The following KCTD8 variants were observed in gnomAD, a reference collection of about 807,000 sequenced individuals.
KCTD8 encodes potassium channel tetramerization domain containing 8.
In KCTD8, 27 loss-of-function variants were observed where a neutral mutation model predicts 31.5. The observed-to-expected ratio is 0.86, with a 90% CI of 0.63 to 1.18. The LOEUF (loss-of-function observed/expected upper bound fraction) is 1.18, where lower values mean the gene tolerates loss of function less well. KCTD8 is among the 50% of genes most tolerant of loss of function. The pLI is 0.00. For synonymous variants in KCTD8, 290 were observed against 280.0 expected (o/e 1.04, Z -0.36); for missense variants, 658 against 647.7 (o/e 1.02, Z -0.17).
At position 44,393,887 on chromosome 4, in the gene KCTD8, T is replaced by A. The variant is rs968642418; in HGVS notation, c.961+53676A>T. Among the ~76,000 whole-genome samples, 7 of 151,892 alleles carry A rather than the reference T, an allele frequency of 4.6e-5. No individual in the cohort carries two copies. The South Asian group carries it at 1.5e-3, about 31-fold the overall frequency. On this transcript the variant is annotated intron_variant, in intron 1 of 1. Coordinates refer to ENST00000360029, the MANE Select transcript of KCTD8 (RefSeq NM_198353.3). ...GCCATTGCACTATATGATTAAAAAATTAAAATATAAAATAAAAGTAAATAG... is the reference window on the plus strand; with the variant it reads ...GCCATTGCACTATATGATTAAAAAAATAAAATATAAAATAAAAGTAAATAG...
chr4:44,316,686 C>G (rs973182912), intron 1 of KCTD8, among the ~76,000 whole-genome samples: 4 of 148,448 alleles, frequency 2.7e-5, no homozygotes, highest in Non-Finnish European at 5.9e-5. Context: ...CGTGGTGGCT[C>G]ATGCCTGTAA....
At chr4:44,340,987 C>A (rs1307052084) in intron 1 of KCTD8, among the ~76,000 whole-genome samples, 1 of 151,614 alleles carries the variant, frequency 6.6e-6, no homozygotes, top group African/African-American at 2.4e-5. Flanking sequence ...GTAAACAATA[C>A]CATGAAGAAA....
intron 1 of KCTD8, among the ~76,000 whole-genome samples, chr4:44,358,917 G>A (rs1719426921): frequency 6.6e-6 from 1 of 152,176 alleles, no homozygotes; most frequent in African/African-American, 2.4e-5. Flanking sequence ...TTTCTCTAAT[G>A]ACCAGTGATG....
chr4:44,293,324 C>A, intron 1 of KCTD8: 1 of 380,134 alleles, frequency 2.6e-6, no homozygotes, highest in Non-Finnish European at 5.2e-6. Flanking sequence ...AAATGCTTTT[C>A]AAAAGGAAAT....
At chr4:44,390,463 T>A (rs1456254248) in intron 1 of KCTD8, among the ~76,000 whole-genome samples, 2 of 152,062 alleles carry the variant, frequency 1.3e-5, no homozygotes, top group Non-Finnish European at 2.9e-5. Flanking sequence ...TTCACCTTAT[T>A]TCTAAGTTCT....
intron 1 of KCTD8, among the ~76,000 whole-genome samples, chr4:44,380,417 CAA>C (rs201741352): frequency 6.2e-5 from 6 of 96,566 alleles, no homozygotes; most frequent in Admixed American, 2.2e-4. Context: ...GACTCCATCT[CAA>C]AAAAAAAAAA....
intron 1 of KCTD8, among the ~76,000 whole-genome samples, chr4:44,201,909 G>A (rs918257473): frequency 2.0e-5 from 3 of 152,034 alleles, no homozygotes; most frequent in African/African-American, 7.2e-5. Flanking sequence ...GAAGTCTAAA[G>A]TCCAGAATCT....
chr4:44,302,535 A>T (rs1275584269), intron 1 of KCTD8, among the ~76,000 whole-genome samples: 1 of 152,060 alleles, frequency 6.6e-6, no homozygotes, highest in African/African-American at 2.4e-5. Context: ...TTATTGGTGT[A>T]TAAGAATGCT....
chr4:44,345,986 T>C (rs999132985), intron 1 of KCTD8, among the ~76,000 whole-genome samples: 3 of 152,280 alleles, frequency 2.0e-5, no homozygotes, highest in Non-Finnish European at 2.9e-5. Flanking sequence ...GATGCTTTTA[T>C]GGTACTAGAG....
chr4:44,341,688 C>G (rs1405231678), intron 1 of KCTD8, among the ~76,000 whole-genome samples: 1 of 152,144 alleles, frequency 6.6e-6, no homozygotes, highest in Non-Finnish European at 1.5e-5. Context: ...AAATCTAGTT[C>G]TCTTGCTATT....
intron 1 of KCTD8, among the ~76,000 whole-genome samples, chr4:44,358,256 A>G (rs1174359511): frequency 6.6e-6 from 1 of 152,152 alleles, no homozygotes; most frequent in Non-Finnish European, 1.5e-5. Flanking sequence ...ATAGTGTTCC[A>G]TGGTGCATAT....
chr4:44,190,161 C>T (rs1713721013), intron 1 of KCTD8, among the ~76,000 whole-genome samples: 1 of 152,156 alleles, frequency 6.6e-6, no homozygotes, highest in Non-Finnish European at 1.5e-5. Context: ...TGAAACATAG[C>T]TCTTATTATA....
chr4:44,395,408 C>G (rs190647922), intron 1 of KCTD8, among the ~76,000 whole-genome samples: 1 of 152,222 alleles, frequency 6.6e-6, no homozygotes, highest in Admixed American at 6.5e-5. Context: ...CTGGACACAA[C>G]ACGGTACCTG....
intron 1 of KCTD8, among the ~76,000 whole-genome samples, chr4:44,290,508 T>C (rs1310233094): frequency 6.6e-6 from 1 of 152,198 alleles, no homozygotes; most frequent in Non-Finnish European, 1.5e-5. Context: ...ACAGATTATA[T>C]ATTCTTCTCA....
At chr4:44,325,347 T>G (rs1718416415) in intron 1 of KCTD8, among the ~76,000 whole-genome samples, 1 of 152,014 alleles carries the variant, frequency 6.6e-6, no homozygotes, top group Non-Finnish European at 1.5e-5. Context: ...CTGAGACATC[T>G]GAAAATTCTA....
At chr4:44,314,441 C>T (rs368739454) in intron 1 of KCTD8, among the ~76,000 whole-genome samples, 5 of 152,138 alleles carry the variant, frequency 3.3e-5, no homozygotes, top group South Asian at 2.1e-4. Flanking sequence ...GGAGGGGAAA[C>T]GCAGTATCAT....
At chr4:44,269,965 T>C (rs1001507430) in intron 1 of KCTD8, among the ~76,000 whole-genome samples, 2 of 152,054 alleles carry the variant, frequency 1.3e-5, no homozygotes, top group African/African-American at 4.8e-5. Context: ...AGTTCAACCA[T>C]TGTGGAAGTC....
At chr4:44,217,952 G>A (rs1019029410) in intron 1 of KCTD8, among the ~76,000 whole-genome samples, 2 of 151,876 alleles carry the variant, frequency 1.3e-5, no homozygotes, top group African/African-American at 4.8e-5. Flanking sequence ...CTTACCATGG[G>A]ACTTCACCTT....
chr4:44,201,272 AC>A (rs1225471431), intron 1 of KCTD8, among the ~76,000 whole-genome samples: 3 of 152,090 alleles, frequency 2.0e-5, no homozygotes, highest in African/African-American at 7.2e-5. Flanking sequence ...ATATCAAACT[AC>A]CAATATCATT....
Sources: gnomAD v4.1 joint callset for allele counts (sites outside exome capture counted in the v4.1 genomes callset) on GRCh38, gnomAD v4.1.1 for gene constraint, MANE v1.5 for transcripts, NCBI Gene and HGNC (gene_info 2026-07-23, HGNC 2026-07-21) for gene names.